The following LCOR variants were observed in gnomAD, a reference collection of about 807,000 sequenced individuals.
The protein encoded by LCOR is ligand dependent nuclear receptor corepressor.
In LCOR, 14 loss-of-function variants were observed where a neutral mutation model predicts 64.4. The observed-to-expected ratio is 0.22, with a 90% CI of 0.14 to 0.34. The LOEUF is 0.34. Ranked by LOEUF, LCOR falls within the 10% of genes least tolerant of loss-of-function variation. The pLI is 1.00. For synonymous variants in LCOR, 643 were observed against 642.5 expected (o/e 1.00, Z -0.01); for missense variants, 1,686 against 1,765.3 (o/e 0.96, Z 0.80).
chr10:96,863,665 A>G lies in LCOR; in HGVS notation c.-330+30186A>G, dbSNP rs145096495. Among the ~76,000 whole-genome samples, 3 of 152,298 alleles carry G rather than the reference A, an allele frequency of 2.0e-5. No individual in the cohort carries two copies. The East Asian group carries it at 5.8e-4, about 29-fold the overall frequency. The stretch of plus-strand genomic sequence containing the variant: ...GTTGACCTTTTTCAAGAAAGCATAG[A>G]CTGGTGTTGTGCAGTCTTTAAACTG... On this transcript the variant is annotated intron_variant, in intron 2 of 7. Coordinates refer to ENST00000421806, the MANE Select transcript of LCOR (RefSeq NM_001346516.2).
intron 2 of LCOR, among the ~76,000 whole-genome samples, chr10:96,895,567 G>A (rs1025247437): frequency 6.6e-6 from 1 of 152,106 alleles, no homozygotes; most frequent in Non-Finnish European, 1.5e-5. Flanking sequence ...AAACTTAAGT[G>A]GATTTCTGTT....
At chr10:96,971,277 T>C (rs1189558207) in intron 7 of LCOR, among the ~76,000 whole-genome samples, 1 of 152,208 alleles carries the variant, frequency 6.6e-6, no homozygotes, top group Non-Finnish European at 1.5e-5. Context: ...TCCCTTCTGA[T>C]TATATGTAAA....
chr10:96,899,377 C>G (rs1295639717), intron 2 of LCOR, among the ~76,000 whole-genome samples: 2 of 152,062 alleles, frequency 1.3e-5, no homozygotes, highest in Admixed American at 1.3e-4. Flanking sequence ...CACTGCTGAG[C>G]TCTATGTAAA....
chr10:96,942,818 C>G (rs1847518232), intron 4 of LCOR, among the ~76,000 whole-genome samples: 1 of 151,284 alleles, frequency 6.6e-6, no homozygotes, highest in African/African-American at 2.4e-5. Flanking sequence ...GTCCCATTTT[C>G]TTACTTAGAA....
chr10:96,850,490 TTTTA>T (rs1042347918), intron 2 of LCOR, among the ~76,000 whole-genome samples: 4 of 152,162 alleles, frequency 2.6e-5, no homozygotes, highest in African/African-American at 7.2e-5. Flanking sequence ...AATTATTATT[TTTTA>T]TTTATTTATT....
chr10:96,921,608 C>G (rs1234004280), intron 4 of LCOR, among the ~76,000 whole-genome samples: 1 of 152,176 alleles, frequency 6.6e-6, no homozygotes, highest in Non-Finnish European at 1.5e-5. Flanking sequence ...ATTACAGATG[C>G]ATGCCATCAC....
intron 2 of LCOR, among the ~76,000 whole-genome samples, chr10:96,880,704 C>A (rs1028539957): frequency 6.6e-6 from 1 of 152,164 alleles, no homozygotes; most frequent in Non-Finnish European, 1.5e-5. Flanking sequence ...GGCCAGTTAT[C>A]TGTCTTCTTA....
intron 4 of LCOR, among the ~76,000 whole-genome samples, chr10:96,911,886 T>G (rs533010574): frequency 2.6e-5 from 4 of 152,326 alleles, no homozygotes; most frequent in African/African-American, 9.6e-5. Flanking sequence ...TGTTTACATT[T>G]ATACACAATT....
chr10:96,882,577 AC>A (rs1373840640), intron 2 of LCOR, among the ~76,000 whole-genome samples: 2 of 152,172 alleles, frequency 1.3e-5, no homozygotes, highest in Admixed American at 1.3e-4. Flanking sequence ...TAGTTGATGA[AC>A]CTACGATGAC....
At chr10:96,916,587 C>CTATATATA (rs71976703) in intron 4 of LCOR, among the ~76,000 whole-genome samples, 1,660 of 137,924 alleles carry the variant, frequency 0.012, 25 homozygotes, top group South Asian at 0.039. Context: ...TATTTAAAGG[C>CTATATATA]TATATATATA....
At chr10:96,872,952 A>G (rs976077112) in intron 2 of LCOR, among the ~76,000 whole-genome samples, 18 of 113,508 alleles carry the variant, frequency 1.6e-4, no homozygotes, top group African/African-American at 7.6e-4. Context: ...CTGTAGTATT[A>G]TATGACAGCA....
chr10:96,884,830 C>T (rs1772107421), intron 2 of LCOR, among the ~76,000 whole-genome samples: 1 of 152,144 alleles, frequency 6.6e-6, no homozygotes, highest in Non-Finnish European at 1.5e-5. Context: ...GGTTTTAATA[C>T]ATGGGTAACA....
rs890379899 is a variant in LCOR, at chr10:96,982,599, C to G, written c.2139C>G (p.Gly713=). The change falls in exon 8 of 8, where the codon GGC becomes GGG. Residue 713 remains glycine, a synonymous_variant. Transcript: ENST00000421806. ...CAGAAAATCAGAGTTCCCCAATGGGCTTGGAGCCCCCCATGAGTCTGGGAA... is the reference window on the plus strand; with the variant it reads ...CAGAAAATCAGAGTTCCCCAATGGGGTTGGAGCCCCCCATGAGTCTGGGAA... The part of the protein sequence containing the change: ...QCSENQSSPM[G]LEPPMSLGKA... The G allele has an allele frequency of 3.1e-6, 5 of 1,614,034 alleles. No homozygotes were observed. In the African/African-American group the frequency reaches 6.7e-5, roughly 22 times the overall value.
chr10:96,953,363 G>A (rs928691532), intron 7 of LCOR, among the ~76,000 whole-genome samples: 2 of 151,976 alleles, frequency 1.3e-5, no homozygotes, highest in African/African-American at 4.8e-5. Context: ...ACAAGCCTGG[G>A]CAACATGGCA....
intron 2 of LCOR, among the ~76,000 whole-genome samples, chr10:96,888,156 G>A (rs1403594529): frequency 6.6e-6 from 1 of 151,040 alleles, no homozygotes. Context: ...CATGAGGTTA[G>A]GAGTTCGAGA....
Position 96,889,163 on chromosome 10 carries a change from A to G in LCOR, c.-329-18102A>G, listed in dbSNP as rs78284618. Among the ~76,000 whole-genome samples, 403 of 152,242 alleles carry G rather than the reference A, an allele frequency of 2.6e-3. 1 individual carries two copies. Among genetic ancestry groups the G allele is most frequent in the Admixed American group, 3.6e-3 (55 of 15,296 alleles). On this transcript the variant is annotated intron_variant, in intron 2 of 7. Transcript: ENST00000421806. Reference sequence around the variant, plus strand: ...CTATTACATAGTCACTTCCATTTCCATATTTCCTCCATAATATCCTTTATG... The same window carrying G: ...CTATTACATAGTCACTTCCATTTCCGTATTTCCTCCATAATATCCTTTATG...
At chr10:96,844,236 C>A (rs1278109378) in intron 2 of LCOR, among the ~76,000 whole-genome samples, 1 of 150,260 alleles carries the variant, frequency 6.7e-6, no homozygotes, top group Non-Finnish European at 1.5e-5. Flanking sequence ...GTGCAGCCTC[C>A]GACTCCTGGA....
At chr10:96,922,611 G>A (rs1427505896) in intron 4 of LCOR, among the ~76,000 whole-genome samples, 1 of 152,164 alleles carries the variant, frequency 6.6e-6, no homozygotes, top group East Asian at 1.9e-4. Flanking sequence ...AATATTGGGA[G>A]TAGTATAAAC....
chr10:96,929,832 A>G (rs776140032), intron 4 of LCOR, among the ~76,000 whole-genome samples: 75 of 152,202 alleles, frequency 4.9e-4, no homozygotes, highest in African/African-American at 1.7e-3. Flanking sequence ...ATTGTAAAGT[A>G]TATTAACTGG....
Sources: gnomAD v4.1 joint callset for allele counts (sites outside exome capture counted in the v4.1 genomes callset) on GRCh38, gnomAD v4.1.1 for gene constraint, MANE v1.5 for transcripts, NCBI Gene and HGNC (gene_info 2026-07-23, HGNC 2026-07-21) for gene names.